Variants in GUCY1A1 observed in about 807,000 individuals in gnomAD.
GUCY1A1 encodes guanylate cyclase 1 soluble subunit alpha 1, also known as guanylate cyclase soluble subunit alpha-1.
In GUCY1A1, 48 loss-of-function variants were observed where a neutral mutation model predicts 64.5. The observed-to-expected ratio is 0.74, with a 90% CI of 0.59 to 0.95. The LOEUF (loss-of-function observed/expected upper bound fraction) is 0.95, where lower values mean the gene tolerates loss of function less well. GUCY1A1 is among the 40% of genes least tolerant of loss of function. The pLI is 0.00. For synonymous variants in GUCY1A1, 308 were observed against 303.4 expected, an observed-to-expected ratio of 1.02 and a Z score of -0.16; for missense variants, 804 against 825.3, an observed-to-expected ratio of 0.97 and a Z score of 0.32.
At chr4:155,729,258 G>A (rs1579138467) in intron 9 of GUCY1A1, among the ~76,000 whole-genome samples, 1 of 151,770 alleles carries the variant, frequency 6.6e-6, no homozygotes, top group Admixed American at 6.6e-5. Context: ...CTGAATATTA[G>A]GTTAGAGAGA....
chr4:155,692,170 G>A (rs981110022), intron 2 of GUCY1A1, among the ~76,000 whole-genome samples: 1 of 151,990 alleles, frequency 6.6e-6, no homozygotes, highest in African/African-American at 2.4e-5. Context: ...GTATATGTAC[G>A]ACATTTTCTT....
intron 5 of GUCY1A1, among the ~76,000 whole-genome samples, chr4:155,708,573 T>G (rs1483602624): frequency 6.6e-6 from 1 of 152,206 alleles, no homozygotes; most frequent in African/African-American, 2.4e-5. Flanking sequence ...CCTAACTAAC[T>G]GTTCCTCATT....
At chr4:155,712,960 A>C in intron 6 of GUCY1A1, 138 bp from the exon 7 acceptor site, 1 of 662,360 alleles carries the variant, frequency 1.5e-6, no homozygotes, top group Non-Finnish European at 2.6e-6. Context: ...GAAAATAGGA[A>C]CTATAAGAAA....
At chr4:155,701,427 G>A (rs533703033) in intron 3 of GUCY1A1, among the ~76,000 whole-genome samples, 26 of 152,204 alleles carry the variant, frequency 1.7e-4, no homozygotes, top group South Asian at 1.2e-3. Context: ...TAGTGTATAC[G>A]TTAGGAGGAA....
At chr4:155,677,266 T>C (rs761354989) in intron 2 of GUCY1A1, among the ~76,000 whole-genome samples, 2 of 152,226 alleles carry the variant, frequency 1.3e-5, no homozygotes, top group South Asian at 2.1e-4. Flanking sequence ...TGAAGAATGC[T>C]TGGGAATGGA....
At chr4:155,713,774 C>T (rs1276008174) in intron 7 of GUCY1A1, among the ~76,000 whole-genome samples, 191 bp downstream of exon 7, 1 of 152,084 alleles carries the variant, frequency 6.6e-6, no homozygotes, top group Non-Finnish European at 1.5e-5. Flanking sequence ...TGAATCTGCC[C>T]AGAAACAGAG....
At chr4:155,675,645 G>A (rs141393768) in intron 2 of GUCY1A1, among the ~76,000 whole-genome samples, 3 of 151,596 alleles carry the variant, frequency 2.0e-5, no homozygotes, top group Non-Finnish European at 2.9e-5. Context: ...CTTATTTTCT[G>A]TGTCACTGGC....
At chr4:155,723,627 CATTTATTTATTTATTT>C (rs3070258) in intron 9 of GUCY1A1, among the ~76,000 whole-genome samples, 1,998 of 147,688 alleles carry the variant, frequency 0.014, 55 homozygotes, top group African/African-American at 0.045. Context: ...TCTTCTTCTG[CATTTATTTATTTATTT>C]ATTTATTTAT....
At chr4:155,698,662 C>T (rs1018848414) in intron 3 of GUCY1A1, among the ~76,000 whole-genome samples, 4 of 152,078 alleles carry the variant, frequency 2.6e-5, no homozygotes, top group Admixed American at 6.6e-5. Context: ...GGCGACAGAG[C>T]GAGACTCTGT....
chr4:155,720,481 AG>A (rs1443377204), intron 8 of GUCY1A1, among the ~76,000 whole-genome samples: 2 of 152,108 alleles, frequency 1.3e-5, no homozygotes, highest in African/African-American at 2.4e-5. Context: ...TGATGAAGAA[AG>A]GTCTTTAAAA....
chr4:155,709,036 T>G (rs1732182256), intron 5 of GUCY1A1, among the ~76,000 whole-genome samples: 1 of 152,118 alleles, frequency 6.6e-6, no homozygotes. Context: ...TGTAGGGCAT[T>G]TTGCCAACAA....
chr4:155,713,571 G>A lies in GUCY1A1; in HGVS notation c.1560G>A (p.Leu520=). The change falls in exon 7 of 10, where the codon CTG becomes CTA. Residue 520 remains leucine, a synonymous_variant. Transcript: ENST00000506455. Reference sequence around the variant, plus strand: ...GCTTCGACCAGCAGTGTGGAGAGCTGGATGTCTACAAGGTAGGAGTGGACC... The same window carrying A: ...GCTTCGACCAGCAGTGTGGAGAGCTAGATGTCTACAAGGTAGGAGTGGACC... ...YTRFDQQCGE[L]DVYKVETIGD... 1.2e-6 allele frequency: 2 copies of A among 1,612,836 alleles called. No homozygotes were observed. Among genetic ancestry groups the A allele is most frequent in the East Asian group, 2.2e-5 (1 of 44,820 alleles).
Position 155,731,207 on chromosome 4 carries a change from A to G in GUCY1A1, c.*976A>G, listed in dbSNP as rs1579145251. ...ACAATATGGACCCACTTCAGCAGAC[A>G]TCTTCTATTGCCATGCTGAGCTGTT... is the stretch of plus-strand genomic sequence containing the variant. On this transcript the variant is annotated 3_prime_UTR_variant, in exon 10 of 10. Coordinates refer to ENST00000506455, the MANE Select transcript of GUCY1A1 (RefSeq NM_001130682.3). The G allele has an allele frequency of 6.6e-6, 1 of 151,934 alleles. No individual in the cohort carries two copies. The highest frequency in any genetic ancestry group is 2.4e-5 in the African/African-American group (1 of 41,416). The allele number at this position is 151,934 out of a possible 1,614,324, so 9.4% of individuals were successfully genotyped here.
intron 2 of GUCY1A1, among the ~76,000 whole-genome samples, chr4:155,687,833 T>C (rs370515652): frequency 7.9e-5 from 12 of 152,250 alleles, no homozygotes; most frequent in African/African-American, 1.9e-4. Flanking sequence ...CAACTGGGCA[T>C]GGCACCTACA....
intron 4 of GUCY1A1, among the ~76,000 whole-genome samples, chr4:155,707,604 T>TA (rs113865416): frequency 0.19 from 26,746 of 142,550 alleles, 2,589 homozygotes; most frequent in Middle Eastern, 0.25. Flanking sequence ...GATATAAAGG[T>TA]AAAAAAAAAA....
At chr4:155,696,449 A>C (rs1250840803) in intron 2 of GUCY1A1, among the ~76,000 whole-genome samples, 125 of 152,334 alleles carry the variant, frequency 8.2e-4, no homozygotes, top group African/African-American at 1.2e-3. Flanking sequence ...CTCTTGTGAA[A>C]TCAAACTGGA....
At chr4:155,706,791 A>G (rs143706903) in intron 4 of GUCY1A1, among the ~76,000 whole-genome samples, 2 of 152,220 alleles carry the variant, frequency 1.3e-5, no homozygotes, top group Non-Finnish European at 2.9e-5. Context: ...CTGTTTGGAC[A>G]AACTAAGCTT....
intron 2 of GUCY1A1, among the ~76,000 whole-genome samples, chr4:155,673,262 T>A (rs1352728043): frequency 6.6e-6 from 1 of 151,574 alleles, no homozygotes; most frequent in Non-Finnish European, 1.5e-5. Context: ...TGGATTATGC[T>A]TGTCACTGAG....
chr4:155,712,132 A>T (rs781250084), intron 6 of GUCY1A1, among the ~76,000 whole-genome samples: 1 of 151,392 alleles, frequency 6.6e-6, no homozygotes, highest in Non-Finnish European at 1.5e-5. Context: ...GTTGTGCTCT[A>T]TTTTATTTTA....
Sources: allele counts gnomAD v4.1 joint callset (sites outside exome capture counted in the v4.1 genomes callset), GRCh38; gene constraint gnomAD v4.1.1; transcripts MANE v1.5; gene names NCBI Gene and HGNC (gene_info 2026-07-23, HGNC 2026-07-21).